PLPP3: variants seen among roughly 807,000 people sequenced by gnomAD.
PLPP3 encodes the protein PAP2 beta.
In PLPP3, 6 loss-of-function variants were observed where a neutral mutation model predicts 29.6. The observed-to-expected ratio is 0.20, with a 90% CI of 0.11 to 0.40. PLPP3 has a LOEUF of 0.40. PLPP3 is among the 10% of genes least tolerant of loss of function. The pLI is 1.00. For missense variants in PLPP3, 308 were observed against 407.7 expected (o/e 0.76, Z 2.11); for synonymous variants, 152 against 159.7 (o/e 0.95, Z 0.36).
chr1:56,533,507 T>A (rs1645904482), intron 2 of PLPP3, among the ~76,000 whole-genome samples: 1 of 152,158 alleles, frequency 6.6e-6, no homozygotes, highest in Non-Finnish European at 1.5e-5. Flanking sequence ...ATCAGAGGAC[T>A]CCTGGTCTGG....
chr1:56,499,736 C>A (rs1379579811), intron 5 of PLPP3, among the ~76,000 whole-genome samples: 1 of 152,172 alleles, frequency 6.6e-6, no homozygotes, highest in Non-Finnish European at 1.5e-5. Flanking sequence ...AAACGTAATA[C>A]TGTCAAGACC....
intron 1 of PLPP3, among the ~76,000 whole-genome samples, chr1:56,559,947 A>T (rs920649784): frequency 6.6e-6 from 1 of 152,166 alleles, no homozygotes; most frequent in Non-Finnish European, 1.5e-5. Context: ...GCTAAAGGGA[A>T]TTCTTCAGTG....
intron 1 of PLPP3, among the ~76,000 whole-genome samples, chr1:56,565,425 T>C (rs762513444): frequency 2.0e-5 from 3 of 151,864 alleles, no homozygotes; most frequent in Non-Finnish European, 2.9e-5. Context: ...GTCCCTTCTT[T>C]TTTTTTTTTA....
chr1:56,505,635 C>T (rs1477608554), intron 5 of PLPP3, among the ~76,000 whole-genome samples: 1 of 152,112 alleles, frequency 6.6e-6, no homozygotes, highest in African/African-American at 2.4e-5. Context: ...AATATATTTC[C>T]TCTTCCTTAT....
At chr1:56,531,273 C>T (rs996443869) in intron 2 of PLPP3, among the ~76,000 whole-genome samples, 4 of 152,190 alleles carry the variant, frequency 2.6e-5, no homozygotes, top group Admixed American at 6.5e-5. Flanking sequence ...GCAGCCACCA[C>T]CATGCACTGC....
At chr1:56,535,228 T>C (rs1325859681) in intron 2 of PLPP3, among the ~76,000 whole-genome samples, 1 of 152,180 alleles carries the variant, frequency 6.6e-6, no homozygotes, top group Non-Finnish European at 1.5e-5. Context: ...ACAGCAGAGG[T>C]GCTCAGGTCT....
At chr1:56,525,809 GTCTGGCATATCC>G (rs1645849226) in intron 2 of PLPP3, among the ~76,000 whole-genome samples, 1 of 152,144 alleles carries the variant, frequency 6.6e-6, no homozygotes, top group Non-Finnish European at 1.5e-5. Context: ...GGAAGCAATA[GTCTGGCATATCC>G]GGACACTCCT....
At chr1:56,561,169 G>A (rs1646125629) in intron 1 of PLPP3, among the ~76,000 whole-genome samples, 1 of 151,938 alleles carries the variant, frequency 6.6e-6, no homozygotes, top group African/African-American at 2.4e-5. Flanking sequence ...TAAGGCAAGA[G>A]AGGAGGATGA....
intron 1 of PLPP3, among the ~76,000 whole-genome samples, chr1:56,545,784 T>C (rs116810858): frequency 0.01 from 1,569 of 152,274 alleles, 20 homozygotes; most frequent in African/African-American, 0.036. Context: ...ACCCCGTCTA[T>C]GTGGCAGAAT....
intron 4 of PLPP3, among the ~76,000 whole-genome samples, chr1:56,519,300 C>G (rs1034444660): frequency 6.6e-6 from 1 of 152,186 alleles, no homozygotes; most frequent in Non-Finnish European, 1.5e-5. Flanking sequence ...TCTACTGCCA[C>G]TCTCTGCTCC....
chr1:56,578,726 T>C (rs1458253893), intron 1 of PLPP3, 152 bp downstream of exon 1: 4 of 832,650 alleles, frequency 4.8e-6, no homozygotes, highest in Non-Finnish European at 6.3e-6. Flanking sequence ...GCTTCGGGCC[T>C]GGGCGGCGCA....
intron 2 of PLPP3, among the ~76,000 whole-genome samples, chr1:56,530,675 A>G (rs7556056): frequency 0.5 from 76,294 of 151,340 alleles, 19,083 homozygotes; most frequent in African/African-American, 0.59. Flanking sequence ...TCTTTACCTT[A>G]ATTAGAAAAT....
intron 1 of PLPP3, among the ~76,000 whole-genome samples, chr1:56,559,439 ACT>A (rs1646106348): frequency 6.6e-6 from 1 of 151,760 alleles, no homozygotes; most frequent in Non-Finnish European, 1.5e-5. Flanking sequence ...TTTTTAAGAG[ACT>A]AGGTCTCACT....
chr1:56,559,831 G>A (rs764472809), intron 1 of PLPP3, among the ~76,000 whole-genome samples: 12 of 152,096 alleles, frequency 7.9e-5, no homozygotes, highest in Non-Finnish European at 1.3e-4. Context: ...ATGGGGATGA[G>A]GAAGGAAGAA....
At chr1:56,551,304 C>G (rs552867727) in intron 1 of PLPP3, among the ~76,000 whole-genome samples, 22 of 137,760 alleles carry the variant, frequency 1.6e-4, no homozygotes, top group African/African-American at 5.7e-4. Flanking sequence ...CGGTTCGGTT[C>G]GGTTCGGTTC....
chr1:56,568,115 C>T (rs79361792), intron 1 of PLPP3, among the ~76,000 whole-genome samples: 10 of 152,100 alleles, frequency 6.6e-5, no homozygotes, highest in African/African-American at 1.2e-4. Flanking sequence ...AAATTGGATT[C>T]GTGGTTGCCA....
intron 5 of PLPP3, among the ~76,000 whole-genome samples, chr1:56,505,175 T>C (rs990461576): frequency 6.6e-6 from 1 of 152,240 alleles, no homozygotes; most frequent in Non-Finnish European, 1.5e-5. Context: ...AAACAAAGCA[T>C]AGTACTTAAC....
At chr1:56,572,784 C>T (rs1177735333) in intron 1 of PLPP3, among the ~76,000 whole-genome samples, 1 of 152,170 alleles carries the variant, frequency 6.6e-6, no homozygotes, top group African/African-American at 2.4e-5. Flanking sequence ...ACAACAGCAA[C>T]TTCATTCCTA....
chr1:56,523,708 C>A, intron 4 of PLPP3, 115 bp downstream of exon 4: 6 of 1,205,950 alleles, frequency 5.0e-6, no homozygotes, highest in Non-Finnish European at 7.2e-6. Flanking sequence ...TAGCTAACCT[C>A]TTTTTCAAGG....
Sources: gnomAD v4.1 joint callset for allele counts (sites outside exome capture counted in the v4.1 genomes callset) on GRCh38, gnomAD v4.1.1 for gene constraint, MANE v1.5 for transcripts, NCBI Gene and HGNC (gene_info 2026-07-23, HGNC 2026-07-21) for gene names.